NWD2: variants seen among roughly 807,000 people sequenced by gnomAD.
NWD2 encodes the protein NACHT and WD repeat domain containing 2, also known as NACHT and WD repeat domain-containing protein 2.
NWD2 carries 37 observed loss-of-function variants against 132.7 expected under a neutral mutation model. That is an observed-to-expected ratio of 0.28 (90% confidence interval 0.21 to 0.37). NWD2 has a LOEUF of 0.37. Among genes scored for constraint, NWD2 ranks in the 10% least tolerant of loss-of-function variants. The probability of loss-of-function intolerance (pLI) is 1.00; values close to 1 mark genes in which losing one functional copy is unlikely to be tolerated. For synonymous variants in NWD2, 705 were observed against 803.0 expected (o/e 0.88, Z 2.06); for missense variants, 1,592 against 2,122.4 (o/e 0.75, Z 4.91).
At chr4:37,299,411 T>C (rs907028546) in intron 1 of NWD2, among the ~76,000 whole-genome samples, 1 of 152,182 alleles carries the variant, frequency 6.6e-6, no homozygotes, top group Non-Finnish European at 1.5e-5. Flanking sequence ...GCTCTTCTGC[T>C]GTACTCTATA....
At chr4:37,411,765 A>C (rs1721160996) in intron 3 of NWD2, among the ~76,000 whole-genome samples, 1 of 152,226 alleles carries the variant, frequency 6.6e-6, no homozygotes, top group Non-Finnish European at 1.5e-5. Flanking sequence ...ATCCAGCAGC[A>C]CATCAAAAAG....
intron 3 of NWD2, among the ~76,000 whole-genome samples, chr4:37,380,081 G>A (rs75295343): frequency 5.4e-4 from 82 of 152,356 alleles, no homozygotes; most frequent in African/African-American, 1.9e-3. Flanking sequence ...AGTGAGTCAA[G>A]CACTAAGCAT....
At chr4:37,403,381 A>G (rs1238388348) in intron 3 of NWD2, among the ~76,000 whole-genome samples, 1 of 152,220 alleles carries the variant, frequency 6.6e-6, no homozygotes, top group Non-Finnish European at 1.5e-5. Flanking sequence ...TCAGGTGAAC[A>G]TGAAGGGTCC....
chr4:37,422,423 T>C (rs1436647858), intron 3 of NWD2, among the ~76,000 whole-genome samples: 1 of 152,224 alleles, frequency 6.6e-6, no homozygotes, highest in African/African-American at 2.4e-5. Flanking sequence ...TTTGTACTTA[T>C]CTGACCACAC....
At position 37,347,823 on chromosome 4, in the gene NWD2, C is replaced by T. The variant is rs545642522; in HGVS notation, c.241-8543C>T. ...CATTTTTTATTTGCTCTAAATAAGACCTTCCTCAACCACATCCAAATGGTG... is the reference window on the plus strand; with the variant it reads ...CATTTTTTATTTGCTCTAAATAAGATCTTCCTCAACCACATCCAAATGGTG... On this transcript the variant is annotated intron_variant, in intron 2 of 6. Transcript: ENST00000309447. Among the ~76,000 whole-genome samples the T allele has an allele frequency of 2.8e-4, 43 of 152,314 alleles. No individual in the cohort carries two copies. The South Asian group carries it at 5.4e-3, about 19-fold the overall frequency.
intron 3 of NWD2, among the ~76,000 whole-genome samples, chr4:37,391,392 T>C (rs1228191081): frequency 6.6e-6 from 1 of 152,210 alleles, no homozygotes; most frequent in Non-Finnish European, 1.5e-5. Flanking sequence ...ATAATGCTCA[T>C]GCATGAACTG....
intron 1 of NWD2, among the ~76,000 whole-genome samples, chr4:37,257,234 C>T (rs185117297): frequency 1.3e-5 from 2 of 152,294 alleles, no homozygotes; most frequent in Admixed American, 1.3e-4. Flanking sequence ...CCCACCTAAA[C>T]CTGCCCAAGG....
chr4:37,284,619 C>T (rs1466864986), intron 1 of NWD2, among the ~76,000 whole-genome samples: 1 of 152,166 alleles, frequency 6.6e-6, no homozygotes, highest in Non-Finnish European at 1.5e-5. Flanking sequence ...TTGCAGGAGA[C>T]TTCCTTTTTA....
intron 2 of NWD2, among the ~76,000 whole-genome samples, chr4:37,338,841 C>T (rs1014139770): frequency 6.6e-6 from 1 of 152,222 alleles, no homozygotes; most frequent in Admixed American, 6.5e-5. Flanking sequence ...TGTCTCTTAA[C>T]TGTCTTCCTG....
chr4:37,402,591 T>G (rs1720914908), intron 3 of NWD2, among the ~76,000 whole-genome samples: 1 of 152,194 alleles, frequency 6.6e-6, no homozygotes, highest in Admixed American at 6.5e-5. Flanking sequence ...ATATCTAGAA[T>G]TTTTATCTAT....
At chr4:37,343,028 T>C (rs542659349) in intron 2 of NWD2, among the ~76,000 whole-genome samples, 1 of 152,294 alleles carries the variant, frequency 6.6e-6, no homozygotes, top group African/African-American at 2.4e-5. Flanking sequence ...TCTAGTAAAA[T>C]GTAGCCATTG....
intron 3 of NWD2, among the ~76,000 whole-genome samples, chr4:37,361,913 C>T (rs1191161781): frequency 6.6e-6 from 1 of 152,104 alleles, no homozygotes; most frequent in Non-Finnish European, 1.5e-5. Flanking sequence ...TGATTCTATA[C>T]CTAGGAAATC....
chr4:37,244,757 C>A lies in NWD2; in HGVS notation c.-311C>A. 1 of 296,582 alleles carries A rather than the reference C, an allele frequency of 3.4e-6. No individual in the cohort carries two copies. Among genetic ancestry groups the A allele is most frequent in the Non-Finnish European group, 6.2e-6 (1 of 161,492 alleles). The allele number at this position is 296,582 out of a possible 1,614,324, so 18.4% of individuals were successfully genotyped here. A position where few individuals can be genotyped will look rare whatever the true frequency, so the allele number is the denominator to read the frequency against. ...CTTCCCGGCGCAAACGGGCGCTGCG[C>A]GCGTAGCCGCCGCCACGCTGACCTC... On this transcript the variant is annotated 5_prime_UTR_variant, in exon 1 of 7. Coordinates refer to ENST00000309447, the MANE Select transcript of NWD2 (RefSeq NM_001144990.2). The surrounding 1 kb of genome is among the most constrained non-coding windows in gnomAD (Gnocchi z 5.5).
At position 37,430,607 on chromosome 4, in the gene NWD2, C is replaced by T. The variant is rs1284077386; in HGVS notation, c.393C>T (p.Ile131=). ...GTGAAAAATATGGGAATATCCGAAT[C>T]CCTGGAGAAGTTGAAGCCTCAGAGT... ...LLGEKYGNIR[I]PGEVEASEFE... Residue 131 remains isoleucine (I), a synonymous_variant, in exon 4 of 7, where the codon ATC becomes ATT. Transcript: ENST00000309447. 1 of 1,551,514 alleles carries T rather than the reference C, an allele frequency of 6.4e-7. No individual in the cohort carries two copies.
intron 3 of NWD2, among the ~76,000 whole-genome samples, chr4:37,400,261 C>G (rs1720874187): frequency 6.6e-6 from 1 of 152,188 alleles, no homozygotes; most frequent in African/African-American, 2.4e-5. Context: ...GCTAACAGGT[C>G]AATTTCCCCA....
At chr4:37,441,203 AG>A (rs1712475139) in intron 6 of NWD2, among the ~76,000 whole-genome samples, 1 of 152,226 alleles carries the variant, frequency 6.6e-6, no homozygotes, top group African/African-American at 2.4e-5. Context: ...CACCAGATGA[AG>A]TAGCAGGCTT....
At chr4:37,368,900 A>G (rs972070472) in intron 3 of NWD2, among the ~76,000 whole-genome samples, 5 of 152,224 alleles carry the variant, frequency 3.3e-5, no homozygotes, top group Non-Finnish European at 1.5e-5. Context: ...GAGGCTAGAA[A>G]CAAGAGACCT....
chr4:37,397,132 G>C (rs559733968), intron 3 of NWD2, among the ~76,000 whole-genome samples: 121 of 152,258 alleles, frequency 7.9e-4, no homozygotes, highest in African/African-American at 2.8e-3. Context: ...TGATAGGGAT[G>C]AGCATCTCAG....
At chr4:37,406,326 G>T (rs1003151846) in intron 3 of NWD2, among the ~76,000 whole-genome samples, 6 of 152,090 alleles carry the variant, frequency 3.9e-5, no homozygotes, top group African/African-American at 1.4e-4. Flanking sequence ...GAGATCTTTT[G>T]TGCTTCATAA....
Sources: gnomAD v4.1 joint callset for allele counts (sites outside exome capture counted in the v4.1 genomes callset) on GRCh38, gnomAD v4.1.1 for gene constraint, Gnocchi (gnomAD v3.1) non-coding constraint, MANE v1.5 for transcripts, NCBI Gene and HGNC (gene_info 2026-07-23, HGNC 2026-07-21) for gene names.